The following PIEZO1 variants were observed in gnomAD, a reference collection of about 807,000 sequenced individuals.
PIEZO1 encodes the protein piezo-type mechanosensitive ion channel component 1.
In PIEZO1, 296 loss-of-function variants were observed where a neutral mutation model predicts 297.2. The observed-to-expected ratio is 1.00, with a 90% CI of 0.91 to 1.10. The LOEUF is 1.10. Among genes scored for constraint, PIEZO1 ranks in the 50% least tolerant of loss-of-function variants. The probability of loss-of-function intolerance (pLI) is 0.00; values close to 1 mark genes in which losing one functional copy is unlikely to be tolerated. For missense variants in PIEZO1, 5,018 were observed against 3,455.5 expected, an observed-to-expected ratio of 1.45 and a Z score of -11.34; for synonymous variants, 2,427 against 1,507.5, an observed-to-expected ratio of 1.61 and a Z score of -14.13.
At chr16:88,733,485 T>C in intron 18 of PIEZO1, 31 bp from the exon 19 acceptor site, 1 of 1,536,262 alleles carries the variant, frequency 6.5e-7, no homozygotes, top group Non-Finnish European at 8.8e-7. Context: ...GGGCTGGGCT[T>C]GGGGAGGGCA....
chr16:88,736,536 C>A (rs572951269), intron 11 of PIEZO1, 103 bp downstream of exon 11: 1 of 601,386 alleles, frequency 1.7e-6, no homozygotes, highest in East Asian at 2.8e-5. Flanking sequence ...CACACCTGCG[C>A]GGCAGAGGGG....
At chr16:88,746,517 C>A (rs568880969) in intron 2 of PIEZO1, among the ~76,000 whole-genome samples, 1 of 152,200 alleles carries the variant, frequency 6.6e-6, no homozygotes, top group Admixed American at 6.5e-5. Context: ...TCCAGCCCCC[C>A]AAGGATCAGG....
At chr16:88,723,846 G>T (rs980082506) in intron 31 of PIEZO1, 25 bp downstream of exon 31, 31 of 1,256,616 alleles carry the variant, frequency 2.5e-5, no homozygotes, top group Admixed American at 5.9e-5. Context: ...GTTGGAGTGG[G>T]GCCGACGGGG....
At chr16:88,771,133 C>T (rs759149390) in intron 1 of PIEZO1, among the ~76,000 whole-genome samples, 2 of 152,212 alleles carry the variant, frequency 1.3e-5, no homozygotes, top group Non-Finnish European at 1.5e-5. Flanking sequence ...AGGCGCTAAT[C>T]TCACAGGGAG....
intron 1 of PIEZO1, among the ~76,000 whole-genome samples, chr16:88,750,737 C>T (rs1456960198): frequency 2.0e-5 from 3 of 152,324 alleles, no homozygotes; most frequent in East Asian, 3.9e-4. Context: ...CGTCTCCTCG[C>T]AGGGGACCTG....
In PIEZO1 at chr16:88,736,453, C is replaced by T. The variant is rs780963869; in HGVS notation, c.1297-45G>A. 4 of 1,474,014 alleles carry T rather than the reference C, an allele frequency of 2.7e-6. No homozygotes were observed. In the African/African-American group the frequency reaches 5.8e-5, roughly 21 times the overall value. 91.3% of individuals were successfully genotyped at this position (1,474,014 alleles called of 1,614,324 possible). A position where few individuals can be genotyped will look rare whatever the true frequency, so the allele number is the denominator to read the frequency against. On this transcript the variant is annotated intron_variant, in intron 11 of 50. Coordinates refer to ENST00000301015, the MANE Select transcript of PIEZO1 (RefSeq NM_001142864.4). ...GCACAGCTGCCCAGCGCACCCCACC[C>T]AGGCGATGCCCCACACCTGCGCGGC...
At chr16:88,751,446 C>T (rs553558792) in intron 1 of PIEZO1, among the ~76,000 whole-genome samples, 4 of 152,328 alleles carry the variant, frequency 2.6e-5, no homozygotes, top group African/African-American at 4.8e-5. Flanking sequence ...GAAAGAATCG[C>T]GCTCGGCGCT....
chr16:88,733,259 A>C lies in PIEZO1; in HGVS notation c.2664+19T>G. ...GTTGCCTGGAGCTTCCTCCCGTCCCAGCCCTCGGGGGCCGGTACCTCGGTG... is the reference window on the plus strand; with the variant it reads ...GTTGCCTGGAGCTTCCTCCCGTCCCCGCCCTCGGGGGCCGGTACCTCGGTG... On this transcript the variant is annotated intron_variant, in intron 19 of 50. Transcript: ENST00000301015. The C allele has an allele frequency of 3.3e-6, 5 of 1,531,924 alleles. No individual in the cohort carries two copies. The African/African-American group carries it at 4.1e-5, about 13-fold the overall frequency. 94.9% of individuals were successfully genotyped at this position (1,531,924 alleles called of 1,614,324 possible).
At chr16:88,779,000 G>A (rs1459713559) in intron 1 of PIEZO1, among the ~76,000 whole-genome samples, 1 of 151,718 alleles carries the variant, frequency 6.6e-6, no homozygotes, top group African/African-American at 2.4e-5. Context: ...AGGTTCAAAG[G>A]GTTAAAAAGG....
In PIEZO1 at chr16:88,734,411, T is replaced by C. The variant is rs1208550390; in HGVS notation, c.2125A>G (p.Thr709Ala). The C allele has an allele frequency of 6.5e-7, 1 of 1,549,402 alleles. No individual in the cohort carries two copies. Among genetic ancestry groups the C allele is most frequent in the African/African-American group, 1.4e-5 (1 of 73,014 alleles). The change falls in exon 16 of 51, where the codon ACC (threonine) becomes GCC (alanine). Residue 709 changes from threonine (T) to alanine (A), a missense_variant. Transcript: ENST00000301015. ...GGCAGGGACACGTGCTCCATGTCGGTGAGCTGCATGAAGGGCCTGTGGAAG... is the reference window on the plus strand; with the variant it reads ...GGCAGGGACACGTGCTCCATGTCGGCGAGCTGCATGAAGGGCCTGTGGAAG... ...HYFHRPFMQL[T>A]DMEHVSLPGT... is the part of the protein sequence containing the mutation.
chr16:88,725,636 G>C lies in PIEZO1; in HGVS notation c.4017C>G (p.His1339Gln), dbSNP rs778334940. 23 of 1,549,808 alleles carry C rather than the reference G, an allele frequency of 1.5e-5. No homozygotes were observed. Among genetic ancestry groups the C allele is most frequent in the Non-Finnish European group, 2.0e-5 (23 of 1,146,218 alleles). The change falls in exon 28 of 51, where the codon CAC becomes CAG. Residue 1339 changes from histidine to glutamine, a missense_variant. By Grantham distance (24) the His-to-Gln change is conservative. Coordinates refer to ENST00000301015, the MANE Select transcript of PIEZO1 (RefSeq NM_001142864.4). ...CCAGGGACTTCTCCTCTATCCTGCGGTGAAAGTCAATGCTCTTGAGGTTGG... is the reference window on the plus strand; with the variant it reads ...CCAGGGACTTCTCCTCTATCCTGCGCTGAAAGTCAATGCTCTTGAGGTTGG... ...NAANLKSIDFHRRIEEKSLAQ... is the reference protein window; with the variant it reads ...NAANLKSIDFQRRIEEKSLAQ...
chr16:88,757,843 G>A (rs369757036), intron 1 of PIEZO1, among the ~76,000 whole-genome samples: 3 of 152,322 alleles, frequency 2.0e-5, no homozygotes, highest in African/African-American at 7.2e-5. Flanking sequence ...TCAAGTCACA[G>A]GCAGACTCCC....
chr16:88,747,981 G>A (rs1380606973), intron 2 of PIEZO1, among the ~76,000 whole-genome samples: 1 of 152,194 alleles, frequency 6.6e-6, no homozygotes, highest in Non-Finnish European at 1.5e-5. Flanking sequence ...CAGCCCGGTG[G>A]ACACCTCGTA....
rs1380859676 is a variant in PIEZO1 at position 88,734,477 on chromosome 16, G to A, written c.2059C>T (p.Pro687Ser). Residue 687 changes from proline to serine, a missense_variant, in exon 16 of 51, where the codon CCC becomes TCC. Transcript: ENST00000301015. Reference protein sequence around the residue: ...VSELFSSILVPGFFLLACILQ... With the variant: ...VSELFSSILVSGFFLLACILQ... ...ATGCAGGCCAGGAGGAAGAAGCCGG[G>A]CACCAGGATGCTGGAGAAGAGCTCG... 1.9e-6 allele frequency: 3 copies of A among 1,549,674 alleles called. No homozygotes were observed. The highest frequency in any genetic ancestry group is 2.6e-6 in the Non-Finnish European group (3 of 1,146,578).
intron 1 of PIEZO1, among the ~76,000 whole-genome samples, chr16:88,783,688 G>A (rs1908036137): frequency 6.6e-6 from 1 of 152,186 alleles, no homozygotes; most frequent in East Asian, 1.9e-4. Flanking sequence ...AGTCCACACA[G>A]GGCTGACCGC....
At chr16:88,743,476 G>C in intron 2 of PIEZO1, 1 of 449,088 alleles carries the variant, frequency 2.2e-6, no homozygotes, top group Non-Finnish European at 4.5e-6. Flanking sequence ...ACAACTTCCT[G>C]GAGCTCAGGG....
intron 3 of PIEZO1, 52 bp from the exon 4 acceptor site, chr16:88,742,147 T>A: frequency 6.5e-7 from 1 of 1,531,858 alleles, no homozygotes; most frequent in Non-Finnish European, 8.7e-7. Context: ...GCCAGCACCG[T>A]GGCCTGGTCA....
chr16:88,752,583 G>A (rs113990947), intron 1 of PIEZO1, among the ~76,000 whole-genome samples: 5 of 152,308 alleles, frequency 3.3e-5, no homozygotes, highest in Admixed American at 6.5e-5. Context: ...GCTGCAAGGG[G>A]CTGGGGCTGG....
In PIEZO1 at chr16:88,723,769, G is replaced by A. The variant is rs114902332; in HGVS notation, c.4335+102C>T. The stretch of plus-strand genomic sequence containing the variant: ...GGGCTAACTGGAGGTGGAGGAGCTC[G>A]GCTCCCAGGCCCTGGGGGCATCTGA... On this transcript the variant is annotated intron_variant, in intron 31 of 50. Transcript: ENST00000301015. 2.9e-3 allele frequency: 1,960 copies of A among 665,742 alleles called. 32 individuals carry two copies. In the African/African-American group the frequency reaches 0.031, roughly 11 times the overall value. The allele number at this position is 665,742 out of a possible 1,614,324, so 41.2% of individuals were successfully genotyped here. A position where few individuals can be genotyped will look rare whatever the true frequency, so the allele number is the denominator to read the frequency against.
Sources: gnomAD v4.1 joint callset for allele counts (sites outside exome capture counted in the v4.1 genomes callset) on GRCh38, gnomAD v4.1.1 for gene constraint, MANE v1.5 for transcripts, NCBI Gene and HGNC (gene_info 2026-07-23, HGNC 2026-07-21) for gene names.